The following PTDSS2 variants were observed in gnomAD, a reference collection of about 807,000 sequenced individuals.
The protein encoded by PTDSS2 is phosphatidylserine synthase 2, also known as PSS-2.
In PTDSS2, 41 loss-of-function variants were observed where a neutral mutation model predicts 64.7. The ratio of observed to expected loss-of-function variants is 0.63; its 90% confidence interval spans 0.49 to 0.82. The LOEUF is 0.82. Ranked by LOEUF, PTDSS2 falls within the 40% of genes least tolerant of loss-of-function variation. The probability of loss-of-function intolerance (pLI) is 0.00; values close to 1 mark genes in which losing one functional copy is unlikely to be tolerated. For missense variants in PTDSS2, 485 were observed against 650.0 expected (o/e 0.75, Z 2.76); for synonymous variants, 297 against 277.8 (o/e 1.07, Z -0.69).
At position 477,450 on chromosome 11, in the gene PTDSS2, C is replaced by G. The variant is rs533248853; in HGVS notation, c.368-1635C>G. ...GGTCAGGGAGGTGCTGGAGCTGCTC[C>G]GGGAAGCGACCCAGGAATGCAGACC... On this transcript the variant is annotated intron_variant, in intron 3 of 11. Transcript: ENST00000308020. Among the ~76,000 whole-genome samples the G allele has an allele frequency of 3.5e-3, 527 of 152,236 alleles. 3 individuals carry two copies. Among genetic ancestry groups the G allele is most frequent in the Non-Finnish European group, 5.4e-3 (366 of 67,996 alleles).
chr11:484,531 G>C (rs767669101), intron 4 of PTDSS2, among the ~76,000 whole-genome samples: 2 of 150,378 alleles, frequency 1.3e-5, no homozygotes, highest in Non-Finnish European at 3.0e-5. Context: ...GTGTGCGCAG[G>C]AGAGTGTAAA....
intron 1 of PTDSS2, among the ~76,000 whole-genome samples, chr11:457,429 T>A (rs756127857): frequency 6.6e-6 from 1 of 152,246 alleles, no homozygotes; most frequent in Non-Finnish European, 1.5e-5. Flanking sequence ...TGTTTTTCTT[T>A]TTCTTTTTTT....
chr11:485,386 C>CTG (rs1294842531), intron 4 of PTDSS2, among the ~76,000 whole-genome samples: 2 of 128,314 alleles, frequency 1.6e-5, no homozygotes, highest in African/African-American at 3.0e-5. Flanking sequence ...GGCATGTGTG[C>CTG]TGTGTGTGTG....
chr11:477,015 C>T (rs567139008), intron 3 of PTDSS2, among the ~76,000 whole-genome samples: 64 of 152,174 alleles, frequency 4.2e-4, no homozygotes, highest in African/African-American at 1.4e-3. Flanking sequence ...AGCGGAGGCT[C>T]TGGGTGGGGG....
In PTDSS2 at chr11:490,583, C is replaced by T. The variant is rs1364581567; in HGVS notation, c.*1C>T. ...CGAGGGAGCACCAACTCCAAACTGA[C>T]CTGGGCCGTGGCTGCCTCGTGAGCC... On this transcript the variant is annotated 3_prime_UTR_variant, in exon 12 of 12. Transcript: ENST00000308020. 3 of 1,584,762 alleles carry T rather than the reference C, an allele frequency of 1.9e-6. No homozygotes were observed. Among genetic ancestry groups the T allele is most frequent in the Non-Finnish European group, 2.6e-6 (3 of 1,165,886 alleles).
In PTDSS2 at chr11:450,315, G is replaced by C; in HGVS notation, c.-141G>C. ...CACACCCTTTACTGGCCGGCCCCGC[G>C]CTGCTCTCCTAAGACCCCGCGGGCC... On this transcript the variant is annotated 5_prime_UTR_variant, in exon 1 of 12. Coordinates refer to ENST00000308020, the MANE Select transcript of PTDSS2 (RefSeq NM_030783.3). 1.6e-6 allele frequency: 1 copy of C among 644,968 alleles called. No individual in the cohort carries two copies. The allele number at this position is 644,968 out of a possible 1,614,324, so 40.0% of individuals were successfully genotyped here.
intron 2 of PTDSS2, among the ~76,000 whole-genome samples, chr11:465,256 T>C (rs761938288): frequency 2.0e-4 from 30 of 152,246 alleles, no homozygotes; most frequent in Non-Finnish European, 3.8e-4. Context: ...AGTGGCGCAG[T>C]CACAGCTCAC....
chr11:489,802 C>A (rs1273862716), intron 10 of PTDSS2, 69 bp downstream of exon 10: 3 of 1,559,830 alleles, frequency 1.9e-6, no homozygotes, highest in Non-Finnish European at 1.7e-6. Context: ...GGGAGCAGAG[C>A]CTGGGAGGCC....
rs1476486578 is a variant in PTDSS2 at position 460,260 on chromosome 11, C to G, written c.256C>G (p.Pro86Ala). 6.2e-7 allele frequency: 1 copy of G among 1,614,054 alleles called. No individual in the cohort carries two copies. The highest frequency in any genetic ancestry group is 1.3e-5 in the African/African-American group (1 of 74,936). Reference protein sequence around the residue: ...LGYVTLLEETPQDTAYNTKRG... With the variant: ...LGYVTLLEETAQDTAYNTKRG... ...CTATGTGACGCTGCTGGAGGAAACA[C>G]CTCAGGACACGGCCTACAACACCAA... The change falls in exon 2 of 12, where the codon CCT (proline) becomes GCT (alanine). Residue 86 changes from proline to alanine, a missense_variant. Physicochemically the swap from Pro to Ala is conservative, Grantham distance 27. This residue lies in a region of PTDSS2 where 251 missense variants were observed against 348.0 expected (regional missense o/e 0.72). Transcript: ENST00000308020. The surrounding 1 kb of genome is among the most constrained non-coding windows in gnomAD (Gnocchi z 5.8).
chr11:464,504 C>G (rs1426434923), intron 2 of PTDSS2, among the ~76,000 whole-genome samples: 1 of 152,250 alleles, frequency 6.6e-6, no homozygotes, highest in Non-Finnish European at 1.5e-5. Context: ...CTCACCCCGG[C>G]TCGGGCAGTG....
At chr11:487,684 G>A (rs1421592993) in intron 6 of PTDSS2, among the ~76,000 whole-genome samples, 3 of 152,162 alleles carry the variant, frequency 2.0e-5, no homozygotes, top group Non-Finnish European at 2.9e-5. Flanking sequence ...CCTCAGGGTC[G>A]GGGCGGTGGA....
At chr11:449,669 TC>T (rs1846232735), upstream of PTDSS2, among the ~76,000 whole-genome samples, 1 of 152,066 alleles carries the variant, frequency 6.6e-6, no homozygotes, top group South Asian at 2.1e-4. Flanking sequence ...CCCAGACCGG[TC>T]CGGGCGCGGT....
At position 490,685 on chromosome 11, in the gene PTDSS2, G is replaced by A. The variant is rs1848637188; in HGVS notation, c.*103G>A. Reference sequence around the variant, plus strand: ...CCACGTGCCCGGCCTTGCCCTCAAGGTTTTTTGCTTTTCTCCTGTGCACCT... The same window carrying A: ...CCACGTGCCCGGCCTTGCCCTCAAGATTTTTTGCTTTTCTCCTGTGCACCT... On this transcript the variant is annotated 3_prime_UTR_variant, in exon 12 of 12. Coordinates refer to ENST00000308020, the MANE Select transcript of PTDSS2 (RefSeq NM_030783.3). 1.5e-6 allele frequency: 2 copies of A among 1,300,394 alleles called. No homozygotes were observed. The highest frequency in any genetic ancestry group is 2.1e-6 in the Non-Finnish European group (2 of 966,028). The allele number at this position is 1,300,394 out of a possible 1,614,324, so 80.6% of individuals were successfully genotyped here.
intron 2 of PTDSS2, among the ~76,000 whole-genome samples, chr11:468,192 A>G (rs1005893866): frequency 6.6e-6 from 1 of 152,252 alleles, no homozygotes; most frequent in African/African-American, 2.4e-5. Context: ...ATGTTTCTAT[A>G]AATACACATT....
At chr11:471,231 G>A (rs953685200) in intron 2 of PTDSS2, among the ~76,000 whole-genome samples, 5 of 151,658 alleles carry the variant, frequency 3.3e-5, no homozygotes, top group African/African-American at 1.2e-4. Flanking sequence ...GAGTAGCTGG[G>A]ATTACAGGCG....
Position 461,335 on chromosome 11 carries a change from C to T in PTDSS2, c.284+1047C>T, listed in dbSNP as rs535259815. Among the ~76,000 whole-genome samples the T allele has an allele frequency of 9.8e-5, 15 of 152,350 alleles. 1 individual carries two copies. In the South Asian group the frequency reaches 1.7e-3, roughly 17 times the overall value. ...CACCAGCCCTGTGGGCTCTAGAACA[C>T]AAGCATGCCCAGTGCCCTGTCTGTA... On this transcript the variant is annotated intron_variant, in intron 2 of 11. Transcript: ENST00000308020. This position sits in a 1 kb window ranked among gnomAD's most constrained non-coding sequence, Gnocchi z 4.2.
In PTDSS2 at chr11:473,977, G is replaced by C; in HGVS notation, c.367G>C (p.Ala123Pro). The C allele has an allele frequency of 6.2e-7, 1 of 1,613,038 alleles. No individual in the cohort carries two copies. Among genetic ancestry groups the C allele is most frequent in the Non-Finnish European group, 8.5e-7 (1 of 1,178,944 alleles). Reference protein sequence around the residue: ...KDGPFSRPHPAYWRFWLCVSV... With the variant: ...KDGPFSRPHPPYWRFWLCVSV... The stretch of plus-strand genomic sequence containing the variant: ...CGGGCCATTTTCCAGACCTCATCCA[G>C]GTAACTTGCCATTTCCTTTTCCGTG... The change falls in exon 3 of 12, where the codon GCT becomes CCT. Residue 123 changes from alanine (A) to proline (P), a missense_variant and splice_region_variant. By Grantham distance (27) the Ala-to-Pro change is conservative. Around this residue, in one of 3 missense-constraint regions of PTDSS2, gnomAD observed 251 missense variants for 348.0 expected, o/e 0.72. Coordinates refer to ENST00000308020, the MANE Select transcript of PTDSS2 (RefSeq NM_030783.3).
rs113203842 is a variant in PTDSS2, at chr11:477,181, C to T, written c.368-1904C>T. Among the ~76,000 whole-genome samples, 526 of 152,286 alleles carry T rather than the reference C, an allele frequency of 3.5e-3. 4 individuals carry two copies. The highest frequency in any genetic ancestry group is 0.012 in the African/African-American group (496 of 41,552). On this transcript the variant is annotated intron_variant, in intron 3 of 11. Coordinates refer to ENST00000308020, the MANE Select transcript of PTDSS2 (RefSeq NM_030783.3). The stretch of plus-strand genomic sequence containing the variant: ...AGGAGGAGTGGAAATGGGCCCAGCC[C>T]GGCCATCTGGGGTGCTGCTTTCTTT...
At chr11:459,799 T>C (rs368748966) in intron 1 of PTDSS2, 3 of 206,738 alleles carry the variant, frequency 1.5e-5, no homozygotes, top group South Asian at 1.5e-4. Context: ...TCAGATGTTA[T>C]TTCATGAACC....
Sources: allele counts gnomAD v4.1 joint callset (sites outside exome capture counted in the v4.1 genomes callset), GRCh38; gene constraint gnomAD v4.1.1; regional missense constraint gnomAD v4.1.1; non-coding constraint Gnocchi (gnomAD v3.1); transcripts MANE v1.5; gene names NCBI Gene and HGNC (gene_info 2026-07-23, HGNC 2026-07-21).